LYPLAL1: variants seen among roughly 807,000 people sequenced by gnomAD.
LYPLAL1 encodes the protein lysophospholipase-like protein 1.
In LYPLAL1, 23 loss-of-function variants were observed where a neutral mutation model predicts 19.7. That is an observed-to-expected ratio of 1.17 (90% CI 0.84 to 1.65). The LOEUF is 1.65. Ranked by LOEUF, LYPLAL1 falls within the 40% of genes most tolerant of loss-of-function variation. The pLI is 0.00. For missense variants in LYPLAL1, 355 were observed against 279.4 expected (o/e 1.27, Z -1.93); for synonymous variants, 119 against 96.3 (o/e 1.24, Z -1.38).
chr1:219,327,798 C>T, the LYPLAL1 span, among the ~76,000 whole-genome samples: 1 of 152,040 alleles, frequency 6.6e-6, no homozygotes, highest in South Asian at 2.1e-4. Flanking sequence ...GGGGAAACCC[C>T]TTTCACTTGG....
chr1:219,339,544 C>CT, the LYPLAL1 span, among the ~76,000 whole-genome samples: 1 of 152,012 alleles, frequency 6.6e-6, no homozygotes, highest in East Asian at 1.9e-4. Context: ...TTGTTTCACT[C>CT]TGAGTCAGCA....
At chr1:219,264,433 A>G in the LYPLAL1 span, among the ~76,000 whole-genome samples, 1 of 152,212 alleles carries the variant, frequency 6.6e-6, no homozygotes, top group Admixed American at 6.5e-5. Context: ...CTAGATTTAC[A>G]TTGCAAAGCC....
chr1:219,247,733 A>C, the LYPLAL1 span, among the ~76,000 whole-genome samples: 1 of 152,234 alleles, frequency 6.6e-6, no homozygotes, highest in Middle Eastern at 3.2e-3. Flanking sequence ...TGTTTATTCA[A>C]GAATATGACA....
At chr1:219,311,538 T>C in the LYPLAL1 span, among the ~76,000 whole-genome samples, 1 of 151,608 alleles carries the variant, frequency 6.6e-6, no homozygotes, top group Non-Finnish European at 1.5e-5. Flanking sequence ...GTAGGTGTTT[T>C]TTTTTTTTTT....
chr1:219,328,217 T>C, the LYPLAL1 span, among the ~76,000 whole-genome samples: 3 of 152,222 alleles, frequency 2.0e-5, no homozygotes, highest in Non-Finnish European at 4.4e-5. Context: ...TTCTGACATC[T>C]GGGTTGGCGA....
intron 2 of LYPLAL1, among the ~76,000 whole-genome samples, chr1:219,183,098 ACTTT>A (rs1656429841): frequency 3.3e-5 from 5 of 152,094 alleles, no homozygotes; most frequent in African/African-American, 1.2e-4. Flanking sequence ...CCTCCTGAAC[ACTTT>A]CCATTGTCTT....
At chr1:219,305,420 A>G in the LYPLAL1 span, among the ~76,000 whole-genome samples, 1 of 152,116 alleles carries the variant, frequency 6.6e-6, no homozygotes, top group Admixed American at 6.5e-5. Context: ...AAAGAGACAT[A>G]CTGAAGAAAA....
intron 2 of LYPLAL1, among the ~76,000 whole-genome samples, chr1:219,188,246 T>A (rs1196004735): frequency 6.6e-6 from 1 of 151,778 alleles, no homozygotes; most frequent in African/African-American, 2.4e-5. Flanking sequence ...GGAAATTAAA[T>A]GTAATAATTT....
chr1:219,205,486 G>C (rs1658501973), intron 3 of LYPLAL1, among the ~76,000 whole-genome samples: 1 of 151,742 alleles, frequency 6.6e-6, no homozygotes, highest in South Asian at 2.1e-4. Context: ...AAAAAAATAA[G>C]ATACATTGAA....
chr1:219,304,075 C>T, the LYPLAL1 span, among the ~76,000 whole-genome samples: 1 of 152,128 alleles, frequency 6.6e-6, no homozygotes, highest in African/African-American at 2.4e-5. Flanking sequence ...ATGTATGTCC[C>T]CTTTAGGCTC....
chr1:219,242,117 G>C, the LYPLAL1 span, among the ~76,000 whole-genome samples: 5 of 152,228 alleles, frequency 3.3e-5, no homozygotes, highest in Admixed American at 1.3e-4. Context: ...AGAGGGTAAG[G>C]CATCAAAGTG....
chr1:219,210,648 G>GT lies in LYPLAL1; in HGVS notation c.477+2dup, dbSNP rs1658952750. ...GAATAAAGCATCTGCTGTTTACCAG[G>GT]TAAGTTCCAGATTTAAAAAAAAATG... On this transcript the variant is annotated splice_donor_variant, in intron 4 of 4. Transcript: ENST00000366928. LOFTEE classifies it high-confidence loss of function. 2 of 1,598,504 alleles carry GT rather than the reference G, an allele frequency of 1.3e-6. No individual in the cohort carries two copies. The highest frequency in any genetic ancestry group is 1.8e-5 in the Admixed American group (1 of 56,904).
chr1:219,442,400 T>C, the LYPLAL1 span, among the ~76,000 whole-genome samples: 1 of 152,188 alleles, frequency 6.6e-6, no homozygotes, highest in African/African-American at 2.4e-5. Flanking sequence ...GAAAAGAAAT[T>C]ATCATTTGGA....
intron 1 of LYPLAL1, among the ~76,000 whole-genome samples, chr1:219,178,153 C>T (rs745327168): frequency 6.6e-6 from 1 of 152,184 alleles, no homozygotes; most frequent in Admixed American, 6.5e-5. Context: ...CATAAACTTC[C>T]TCTTGCAGAG....
chr1:219,316,009 C>T, the LYPLAL1 span, among the ~76,000 whole-genome samples: 1 of 152,010 alleles, frequency 6.6e-6, no homozygotes, highest in African/African-American at 2.4e-5. Context: ...GCTACATGTA[C>T]GTATAAGGAC....
At chr1:219,387,310 A>G in the LYPLAL1 span, among the ~76,000 whole-genome samples, 2 of 152,204 alleles carry the variant, frequency 1.3e-5, no homozygotes, top group Admixed American at 1.3e-4. Context: ...GAAAAATTTT[A>G]TATGTACATG....
the LYPLAL1 span, among the ~76,000 whole-genome samples, chr1:219,430,915 G>C: frequency 6.6e-6 from 1 of 152,102 alleles, no homozygotes; most frequent in African/African-American, 2.4e-5. Context: ...GGCCTCAAAT[G>C]ATCCTCCTGC....
At chr1:219,426,681 C>T in the LYPLAL1 span, among the ~76,000 whole-genome samples, 1 of 152,118 alleles carries the variant, frequency 6.6e-6, no homozygotes, top group Non-Finnish European at 1.5e-5. Context: ...TCACTGCAAC[C>T]TCTGCCTCCC....
At chr1:219,276,534 A>C in the LYPLAL1 span, among the ~76,000 whole-genome samples, 1 of 152,210 alleles carries the variant, frequency 6.6e-6, no homozygotes, top group Non-Finnish European at 1.5e-5. Flanking sequence ...CCAATATCTT[A>C]ATGGAAACTC....
Sources: gnomAD v4.1 joint callset for allele counts (sites outside exome capture counted in the v4.1 genomes callset) on GRCh38, gnomAD v4.1.1 for gene constraint, MANE v1.5 for transcripts, NCBI Gene and HGNC (gene_info 2026-07-23, HGNC 2026-07-21) for gene names.